ZDHHC13: variants seen among roughly 807,000 people sequenced by gnomAD.
ZDHHC13 encodes zDHHC palmitoyltransferase 13.
In ZDHHC13, 85 loss-of-function variants were observed where a neutral mutation model predicts 86.0. That is an observed-to-expected ratio of 0.99 (90% CI 0.83 to 1.18). The LOEUF (loss-of-function observed/expected upper bound fraction) is 1.18. Ranked by LOEUF, ZDHHC13 falls within the 50% of genes most tolerant of loss-of-function variation. ZDHHC13 has a pLI of 0.00. For missense variants in ZDHHC13, 711 were observed against 730.2 expected, an observed-to-expected ratio of 0.97 and a Z score of 0.30; for synonymous variants, 263 against 246.4, an observed-to-expected ratio of 1.07 and a Z score of -0.63.
At chr11:19,152,123 T>C in intron 6 of ZDHHC13, 35 bp from the exon 7 acceptor site, 1 of 1,602,412 alleles carries the variant, frequency 6.2e-7, no homozygotes, top group African/African-American at 1.3e-5. Flanking sequence ...ATCATCTCTG[T>C]TAATGCCTCT....
At position 19,133,942 on chromosome 11, in the gene ZDHHC13, T is replaced by TATATATATATACAC; in HGVS notation, c.28-9035_28-9034insTATATATATACACA. Among the ~76,000 whole-genome samples, 844 of 95,918 alleles carry TATATATATATACAC rather than the reference T, an allele frequency of 8.8e-3. 48 individuals are homozygous for TATATATATATACAC. Among genetic ancestry groups the TATATATATATACAC allele is most frequent in the Non-Finnish European group, 0.014 (596 of 43,506 alleles). 62.9% of individuals were successfully genotyped at this position (95,918 alleles called of 152,430 possible). A position where few individuals can be genotyped will look rare whatever the true frequency, so the allele number is the denominator to read the frequency against. The stretch of plus-strand genomic sequence containing the variant: ...GTCCATATATATATATATATATATA[T>TATATATATATACAC]ACACGTATGTGTTTTATATACTTCA... On this transcript the variant is annotated intron_variant, in intron 1 of 16. Coordinates refer to ENST00000446113, the MANE Select transcript of ZDHHC13 (RefSeq NM_019028.3).
rs1849834050 is a variant in ZDHHC13, at chr11:19,158,959, A to G, written c.1027A>G (p.Asn343Asp). 6.5e-7 allele frequency: 1 copy of G among 1,543,000 alleles called. No homozygotes were observed. The highest frequency in any genetic ancestry group is 1.4e-5 in the African/African-American group (1 of 72,684). The change falls in exon 10 of 17, where the codon AAC becomes GAC. Residue 343 changes from asparagine (N) to aspartate (D), a missense_variant. Physicochemically the swap from Asn to Asp is conservative, Grantham distance 23 (BLOSUM62 1). Transcript: ENST00000446113. ...TTTTAGGTTCTTGGTTGGGTATAAG[A>G]ACCTTGTATACTTACCAACAGCCTT... ...LFPRFLVGYK[N>D]LVYLPTAFLL...
Position 19,170,562 on chromosome 11 carries a change from C to A in ZDHHC13, c.1626C>A (p.Leu542=). ...SWSTFLLLNQ[L]FQIAFLGLTS... ...CAACATTTTTATTATTAAATCAACT[C>A]TTTCAGGTATTTATTTCTCTTCTTA... Residue 542 remains leucine, a synonymous_variant, in exon 15 of 17, where the codon CTC becomes CTA. Transcript: ENST00000446113. The A allele has an allele frequency of 6.6e-7, 1 of 1,522,426 alleles. No homozygotes were observed. Among genetic ancestry groups the A allele is most frequent in the Middle Eastern group, 1.7e-4 (1 of 5,914 alleles). 94.3% of individuals were successfully genotyped at this position (1,522,426 alleles called of 1,614,324 possible). A position where few individuals can be genotyped will look rare whatever the true frequency, so the allele number is the denominator to read the frequency against.
At chr11:19,122,025 GTCT>G (rs1172085322) in intron 1 of ZDHHC13, among the ~76,000 whole-genome samples, 2 of 152,130 alleles carry the variant, frequency 1.3e-5, no homozygotes, top group South Asian at 2.1e-4. Context: ...AAGGTTACCT[GTCT>G]TCTTCTCTGT....
rs138789895 is a variant in ZDHHC13, at chr11:19,158,907, AC to A, written c.1008-32del. 3,696 of 1,350,572 alleles carry A rather than the reference AC, an allele frequency of 2.7e-3. 81 individuals carry two copies. The African/African-American group carries it at 0.044, about 16-fold the overall frequency. 83.7% of individuals were successfully genotyped at this position (1,350,572 alleles called of 1,614,324 possible). On this transcript the variant is annotated intron_variant, in intron 9 of 16. Transcript: ENST00000446113. Reference sequence around the variant, plus strand: ...TAGAACTAAAATTAATACAAGTCATACTAATAACTTATATTTATCTTTTTTC... The same window carrying A: ...TAGAACTAAAATTAATACAAGTCATATAATAACTTATATTTATCTTTTTTC...
At chr11:19,143,162 C>G in intron 2 of ZDHHC13, 39 bp downstream of exon 2, 1 of 1,581,496 alleles carries the variant, frequency 6.3e-7, no homozygotes, top group Admixed American at 1.8e-5. Flanking sequence ...CTTATGTTCT[C>G]TAGAATTAAT....
At chr11:19,140,119 T>C (rs1454281523) in intron 1 of ZDHHC13, among the ~76,000 whole-genome samples, 1 of 148,044 alleles carries the variant, frequency 6.8e-6, no homozygotes, top group Non-Finnish European at 1.5e-5. Flanking sequence ...ACCATCAGAG[T>C]GAACAGGCAA....
intron 1 of ZDHHC13, among the ~76,000 whole-genome samples, chr11:19,120,609 G>A (rs1034238944): frequency 6.6e-6 from 1 of 152,114 alleles, no homozygotes; most frequent in African/African-American, 2.4e-5. Context: ...ATAATTTTGA[G>A]GCTATGTTGT....
In ZDHHC13 at chr11:19,143,127, A is replaced by T; in HGVS notation, c.173+4A>T. Reference sequence around the variant, plus strand: ...GTGACATTGTCAAAGCTACTCAGTAAGTCTTCCAAATGCTTTGGTTTATCC... The same window carrying T: ...GTGACATTGTCAAAGCTACTCAGTATGTCTTCCAAATGCTTTGGTTTATCC... On this transcript the variant is annotated splice_donor_region_variant and intron_variant, in intron 2 of 16. Coordinates refer to ENST00000446113, the MANE Select transcript of ZDHHC13 (RefSeq NM_019028.3). The T allele has an allele frequency of 2.5e-6, 4 of 1,609,822 alleles. No individual in the cohort carries two copies. The highest frequency in any genetic ancestry group is 3.4e-6 in the Non-Finnish European group (4 of 1,177,588).
intron 11 of ZDHHC13, 37 bp downstream of exon 11, chr11:19,163,464 G>A: frequency 6.5e-7 from 1 of 1,546,770 alleles, no homozygotes; most frequent in South Asian, 1.3e-5. Flanking sequence ...TTAATAGGAG[G>A]GTTTGTAAAC....
At chr11:19,143,854 A>G (rs1331991784) in intron 2 of ZDHHC13, among the ~76,000 whole-genome samples, 2 of 152,242 alleles carry the variant, frequency 1.3e-5, no homozygotes, top group African/African-American at 2.4e-5. Context: ...TATTTTGTAC[A>G]TCAGACTACA....
chr11:19,138,127 G>T lies in ZDHHC13; in HGVS notation c.28-4851G>T, dbSNP rs1849198654. Among the ~76,000 whole-genome samples the T allele has an allele frequency of 1.3e-5, 2 of 151,940 alleles. 1 individual carries two copies. The highest frequency in any genetic ancestry group is 4.8e-5 in the African/African-American group (2 of 41,258). Reference sequence around the variant, plus strand: ...CAAAAAATTAATGAATACAGGAGCTGGTTTTTTGAAAGGATCAACAAAATT... The same window carrying T: ...CAAAAAATTAATGAATACAGGAGCTTGTTTTTTGAAAGGATCAACAAAATT... On this transcript the variant is annotated intron_variant, in intron 1 of 16. Transcript: ENST00000446113.
At chr11:19,150,277 T>C (rs904558644) in intron 5 of ZDHHC13, among the ~76,000 whole-genome samples, 8 of 152,152 alleles carry the variant, frequency 5.3e-5, no homozygotes, top group African/African-American at 1.9e-4. Context: ...AAACTTAATA[T>C]GATAAGTCCA....
chr11:19,146,420 C>T (rs537608563), intron 3 of ZDHHC13, 117 bp downstream of exon 3: 13 of 1,234,312 alleles, frequency 1.1e-5, no homozygotes, highest in South Asian at 4.6e-5. Flanking sequence ...AAAGAACACC[C>T]GAAACTTTTT....
intron 14 of ZDHHC13, chr11:19,168,775 C>A (rs1167963694): frequency 2.0e-6 from 2 of 983,658 alleles, no homozygotes; most frequent in Non-Finnish European, 1.2e-6. Flanking sequence ...CTCATGTGAT[C>A]CAATAGCTGC....
chr11:19,136,931 A>G (rs1342044975), intron 1 of ZDHHC13, among the ~76,000 whole-genome samples: 1 of 152,198 alleles, frequency 6.6e-6, no homozygotes, highest in Non-Finnish European at 1.5e-5. Flanking sequence ...AAACATGGAA[A>G]GGAACAACAG....
At chr11:19,139,602 G>A (rs1454102732) in intron 1 of ZDHHC13, among the ~76,000 whole-genome samples, 37 of 150,766 alleles carry the variant, frequency 2.5e-4, no homozygotes, top group Admixed American at 2.7e-4. Flanking sequence ...AGCCCGCATC[G>A]CCAAGTCAAT....
chr11:19,159,181 G>A (rs908268400), intron 10 of ZDHHC13, 141 bp downstream of exon 10: 38 of 569,488 alleles, frequency 6.7e-5, no homozygotes, highest in African/African-American at 1.3e-4. Flanking sequence ...GGATGAAGAC[G>A]TTTAATGTTG....
chr11:19,170,375 CTTT>C (rs55637113), intron 14 of ZDHHC13, 33 bp from the exon 15 acceptor site: 12,132 of 1,193,300 alleles, frequency 0.01, no homozygotes, highest in East Asian at 0.03. Flanking sequence ...AGTTTATTGC[CTTT>C]TTTTTTTTTT....
Sources: allele counts gnomAD v4.1 joint callset (sites outside exome capture counted in the v4.1 genomes callset), GRCh38; gene constraint gnomAD v4.1.1; transcripts MANE v1.5; gene names NCBI Gene and HGNC (gene_info 2026-07-23, HGNC 2026-07-21).